NKAIN2: variants seen among roughly 807,000 people sequenced by gnomAD.
NKAIN2 encodes sodium/potassium-transporting ATPase subunit beta-1-interacting protein 2.
NKAIN2 carries 14 observed loss-of-function variants against 32.6 expected under a neutral mutation model. The ratio of observed to expected loss-of-function variants is 0.43; its 90% CI spans 0.28 to 0.67. The LOEUF (loss-of-function observed/expected upper bound fraction) is 0.67, where lower values mean the gene tolerates loss of function less well. Among genes scored for constraint, NKAIN2 ranks in the 30% least tolerant of loss-of-function variants. The probability of loss-of-function intolerance (pLI) is 0.17; values close to 1 mark genes in which losing one functional copy is unlikely to be tolerated. For synonymous variants in NKAIN2, 80 were observed against 87.2 expected (o/e 0.92, Z 0.46); for missense variants, 198 against 258.3 (o/e 0.77, Z 1.60).
Position 124,658,230 on chromosome 6 carries a change from T to A in NKAIN2, c.318T>A (p.Ser106=). Residue 106 remains serine, a synonymous_variant, in exon 4 of 7, where the codon TCT becomes TCA. Coordinates refer to ENST00000368417, the MANE Select transcript of NKAIN2 (RefSeq NM_001040214.3). ...ILTFNISMHR[S]WWMENGPGCT... Reference sequence around the variant, plus strand: ...CTTTTAATATATCAATGCACCGATCTTGGTGGATGGAGAATGGACCAGGAT... The same window carrying A: ...CTTTTAATATATCAATGCACCGATCATGGTGGATGGAGAATGGACCAGGAT... The A allele has an allele frequency of 6.2e-7, 1 of 1,613,836 alleles. No individual in the cohort carries two copies. The highest frequency in any genetic ancestry group is 8.5e-7 in the Non-Finnish European group (1 of 1,179,874).
intron 1 of NKAIN2, among the ~76,000 whole-genome samples, chr6:123,980,095 A>G (rs2114662324): frequency 6.6e-6 from 1 of 152,332 alleles, no homozygotes; most frequent in East Asian, 1.9e-4. Flanking sequence ...CTTCATATAG[A>G]CATTTTCTAA....
chr6:124,571,691 C>T (rs978550664), intron 3 of NKAIN2, among the ~76,000 whole-genome samples: 19 of 152,114 alleles, frequency 1.2e-4, no homozygotes, highest in East Asian at 3.9e-4. Flanking sequence ...AGCACGAATA[C>T]GGACTAATAC....
chr6:124,491,891 A>G (rs1777877986), intron 3 of NKAIN2, among the ~76,000 whole-genome samples: 2 of 151,952 alleles, frequency 1.3e-5, no homozygotes, highest in Non-Finnish European at 2.9e-5. Flanking sequence ...CAAGAGTAGT[A>G]TCTGCATAGG....
chr6:124,141,402 T>C (rs1354080446), intron 1 of NKAIN2, among the ~76,000 whole-genome samples: 3 of 152,204 alleles, frequency 2.0e-5, no homozygotes, highest in East Asian at 1.9e-4. Context: ...TACACAGTTA[T>C]AGAAAATTCA....
At chr6:124,019,253 C>T (rs1780747926) in intron 1 of NKAIN2, among the ~76,000 whole-genome samples, 1 of 152,058 alleles carries the variant, frequency 6.6e-6, no homozygotes, top group Admixed American at 6.6e-5. Context: ...ACTATATCAC[C>T]TTGGTACCCT....
intron 3 of NKAIN2, among the ~76,000 whole-genome samples, chr6:124,452,084 G>A (rs1012522624): frequency 6.6e-5 from 10 of 151,636 alleles, no homozygotes; most frequent in African/African-American, 1.2e-4. Flanking sequence ...AGTCCCAGCC[G>A]CTCAGGAGGC....
chr6:124,070,320 A>G (rs1783390619), intron 1 of NKAIN2, among the ~76,000 whole-genome samples: 1 of 152,172 alleles, frequency 6.6e-6, no homozygotes, highest in African/African-American at 2.4e-5. Flanking sequence ...GGCTGTGTGT[A>G]TAATTCTTTA....
At position 124,003,186 on chromosome 6, in the gene NKAIN2, G is replaced by A. The variant is rs1010445635; in HGVS notation, c.54+198932G>A. 2.6e-5 allele frequency among the ~76,000 whole-genome samples: 4 copies of A among 152,306 alleles called. No individual in the cohort carries two copies. The East Asian group carries it at 7.7e-4, about 29-fold the overall frequency. ...TCATTTTATTGTTAGTCATCTACCAGAAAGTGGTAACATTGGGGATGGAGA... is the reference window on the plus strand; with the variant it reads ...TCATTTTATTGTTAGTCATCTACCAAAAAGTGGTAACATTGGGGATGGAGA... On this transcript the variant is annotated intron_variant, in intron 1 of 6. Transcript: ENST00000368417.
At chr6:123,949,760 T>G (rs1311617080) in intron 1 of NKAIN2, among the ~76,000 whole-genome samples, 3 of 152,060 alleles carry the variant, frequency 2.0e-5, no homozygotes, top group Admixed American at 2.0e-4. Context: ...ACAAATTGAC[T>G]TATTCTTCTT....
intron 4 of NKAIN2, among the ~76,000 whole-genome samples, chr6:124,706,514 G>C (rs960840958): frequency 1.3e-5 from 2 of 148,302 alleles, no homozygotes; most frequent in African/African-American, 4.9e-5. Context: ...ACAAAAAAAA[G>C]ATTGAATCAA....
In NKAIN2 at chr6:124,725,950, G is replaced by A. The variant is rs181022882; in HGVS notation, c.475-65389G>A. On this transcript the variant is annotated intron_variant, in intron 4 of 6. Coordinates refer to ENST00000368417, the MANE Select transcript of NKAIN2 (RefSeq NM_001040214.3). ...CGAGTCAAAGAAAGGGGTGACGGAC[G>A]GCACCTTGAAAATTGGGTCACTCCC... Among the ~76,000 whole-genome samples, 728 of 152,286 alleles carry A rather than the reference G, an allele frequency of 4.8e-3. 1 individual carries two copies. Among genetic ancestry groups the A allele is most frequent in the Non-Finnish European group, 4.5e-3 (304 of 68,022 alleles).
chr6:124,243,038 T>TA (rs11410948), intron 1 of NKAIN2, among the ~76,000 whole-genome samples: 11,410 of 135,340 alleles, frequency 0.084, 919 homozygotes, highest in African/African-American at 0.21. Context: ...AAAGTATAAT[T>TA]AAAAAAAAAA....
intron 1 of NKAIN2, among the ~76,000 whole-genome samples, chr6:124,267,822 A>T (rs143990234): frequency 2.2e-3 from 338 of 152,310 alleles, no homozygotes; most frequent in African/African-American, 7.7e-3. Flanking sequence ...GCTTTACTAT[A>T]TTTGGCATGA....
chr6:124,315,982 A>G (rs1184356085), intron 2 of NKAIN2, among the ~76,000 whole-genome samples: 1 of 152,130 alleles, frequency 6.6e-6, no homozygotes, highest in Non-Finnish European at 1.5e-5. Flanking sequence ...TAAGAGGCTC[A>G]GTATCAAGAA....
Position 124,719,742 on chromosome 6 carries a change from G to C in NKAIN2, c.474+61356G>C, listed in dbSNP as rs187689638. The stretch of plus-strand genomic sequence containing the variant: ...CCTGCTAATCAAAAAAAAAAAAATA[G>C]GAAAGTTTGTATGCGCAGGCATAGT... On this transcript the variant is annotated intron_variant, in intron 4 of 6. Transcript: ENST00000368417. Among the ~76,000 whole-genome samples the C allele has an allele frequency of 5.3e-5, 8 of 151,670 alleles. No homozygotes were observed. In the East Asian group the frequency reaches 1.6e-3, roughly 30 times the overall value.
At chr6:124,211,807 A>C (rs370161199) in intron 1 of NKAIN2, among the ~76,000 whole-genome samples, 1 of 152,096 alleles carries the variant, frequency 6.6e-6, no homozygotes, top group Non-Finnish European at 1.5e-5. Flanking sequence ...ATTTGAACAG[A>C]AAAAGTTAAA....
intron 1 of NKAIN2, among the ~76,000 whole-genome samples, chr6:124,004,838 T>C (rs1405052469): frequency 1.3e-5 from 2 of 149,762 alleles, no homozygotes; most frequent in African/African-American, 4.9e-5. Context: ...TGTGCACATG[T>C]ACCCTAGAAC....
At chr6:124,764,760 A>G (rs1778435668) in intron 4 of NKAIN2, among the ~76,000 whole-genome samples, 1 of 152,186 alleles carries the variant, frequency 6.6e-6, no homozygotes, top group Admixed American at 6.5e-5. Context: ...AGTTGACTAT[A>G]AATGGATTCT....
chr6:124,626,076 A>G (rs558888044), intron 3 of NKAIN2, among the ~76,000 whole-genome samples: 1 of 137,816 alleles, frequency 7.3e-6, no homozygotes, highest in African/African-American at 2.6e-5. Context: ...TATATCTCCT[A>G]ATGCTATCCC....
Sources: allele counts gnomAD v4.1 joint callset (sites outside exome capture counted in the v4.1 genomes callset), GRCh38; gene constraint gnomAD v4.1.1; transcripts MANE v1.5; gene names NCBI Gene and HGNC (gene_info 2026-07-23, HGNC 2026-07-21).